Variants in MYBBP1A observed in about 807,000 individuals in gnomAD.
The protein encoded by MYBBP1A is myb-binding protein 1A.
MYBBP1A carries 147 observed loss-of-function variants against 136.3 expected under a neutral mutation model. The observed-to-expected ratio is 1.08, with a 90% CI of 0.94 to 1.24. The LOEUF (loss-of-function observed/expected upper bound fraction) is 1.24, where lower values mean the gene tolerates loss of function less well. MYBBP1A is among the 50% of genes most tolerant of loss of function. The probability of loss-of-function intolerance (pLI) is 0.00; values close to 1 mark genes in which losing one functional copy is unlikely to be tolerated. For synonymous variants in MYBBP1A, 947 were observed against 735.8 expected, an observed-to-expected ratio of 1.29 and a Z score of -4.65; for missense variants, 2,060 against 1,727.4, an observed-to-expected ratio of 1.19 and a Z score of -3.41.
Position 4,552,109 on chromosome 17 carries a change from C to T in MYBBP1A, c.905+16G>A. 1.2e-6 allele frequency: 2 copies of T among 1,610,302 alleles called. No homozygotes were observed. The highest frequency in any genetic ancestry group is 1.3e-5 in the African/African-American group (1 of 75,018). ...GACAGGGAAGGGGGCCGAGAGAGGA[C>T]ACGCGTCGCCCGCACCTGGCTGGCC... is the stretch of plus-strand genomic sequence containing the variant. On this transcript the variant is annotated intron_variant, in intron 7 of 25. Coordinates refer to ENST00000254718, the MANE Select transcript of MYBBP1A (RefSeq NM_014520.4). This position sits in a 1 kb window ranked among gnomAD's most constrained non-coding sequence, Gnocchi z 4.7.
At position 4,548,117 on chromosome 17, in the gene MYBBP1A, A is replaced by AC; in HGVS notation, c.1724+25dup. On this transcript the variant is annotated intron_variant, in intron 12 of 25. Coordinates refer to ENST00000254718, the MANE Select transcript of MYBBP1A (RefSeq NM_014520.4). This position sits in a 1 kb window ranked among gnomAD's most constrained non-coding sequence, Gnocchi z 4.2. ...CCAGTCAGACTGCAGCGTCCTGCCCACCCCCTGGAAATCCCACGTGCTCAC... is the reference window on the plus strand; with the variant it reads ...CCAGTCAGACTGCAGCGTCCTGCCCACCCCCCTGGAAATCCCACGTGCTCAC... 2 of 1,602,452 alleles carry AC rather than the reference A, an allele frequency of 1.2e-6. No individual in the cohort carries two copies.
Position 4,550,532 on chromosome 17 carries a change from G to A in MYBBP1A, c.1024-179C>T, listed in dbSNP as rs142776169. On this transcript the variant is annotated intron_variant, in intron 8 of 25. Coordinates refer to ENST00000254718, the MANE Select transcript of MYBBP1A (RefSeq NM_014520.4). ...TTAAATCGAGCCCCGGCAATCTCCT[G>A]TTGTACACAGCTAGGCTGTGCCTGA... 7.4e-3 allele frequency among the ~76,000 whole-genome samples: 1,124 copies of A among 152,388 alleles called. 16 individuals carry two copies. Among genetic ancestry groups the A allele is most frequent in the African/African-American group, 0.026 (1,069 of 41,594 alleles).
intron 8 of MYBBP1A, 116 bp downstream of exon 8, chr17:4,551,764 G>A (rs952490289): frequency 8.8e-5 from 77 of 870,092 alleles, no homozygotes; most frequent in Non-Finnish European, 1.2e-4. Context: ...CTACCCAGAC[G>A]GAGGGGACAC....
chr17:4,540,524 G>A (rs754268196), intron 24 of MYBBP1A, 40 bp from the exon 25 acceptor site: 14 of 1,559,266 alleles, frequency 9.0e-6, no homozygotes, highest in Non-Finnish European at 1.1e-5. Context: ...GGCCACAGAG[G>A]GCGGGGCCTC....
In MYBBP1A at chr17:4,549,438, CA is replaced by C; in HGVS notation, c.1323del (p.Glu442SerfsTer7). On this transcript the variant is annotated frameshift_variant, in exon 10 of 26. Transcript: ENST00000254718. LOFTEE classifies it high-confidence loss of function. ...KKAQDSSLHM[P>X]ERAVFRLRKW... ...TTCCTCAGCCGGAACACAGCTCGCT[CA>C]GGCCTAGCGGGGCAGGAGGCGAGGT... The C allele has an allele frequency of 6.2e-7, 1 of 1,612,456 alleles. No individual in the cohort carries two copies. The highest frequency in any genetic ancestry group is 8.5e-7 in the Non-Finnish European group (1 of 1,179,774).
Position 4,544,529 on chromosome 17 carries a change from G to T in MYBBP1A, c.2599C>A (p.Gln867Lys). ...RRSLRSSSSK[Q>K]EQDLLHKTAR... ...GTCTTGTGCAGAAGGTCCTGCTCCT[G>T]TTTGGAGCTGCTGCTGCGCAGGCTG... Residue 867 changes from glutamine to lysine, a missense_variant, in exon 19 of 26, where the codon CAG becomes AAG. By Grantham distance (53) the Gln-to-Lys change is moderately conservative (BLOSUM62 1). Coordinates refer to ENST00000254718, the MANE Select transcript of MYBBP1A (RefSeq NM_014520.4). The T allele has an allele frequency of 6.4e-7, 1 of 1,554,918 alleles. No homozygotes were observed.
intron 22 of MYBBP1A, chr17:4,542,096 A>C: frequency 1.7e-6 from 1 of 594,696 alleles, no homozygotes; most frequent in South Asian, 2.0e-5. Context: ...TAGAGGTGGG[A>C]CCTCAGGTTG....
At chr17:4,543,552 A>G (rs1906666432) in intron 19 of MYBBP1A, among the ~76,000 whole-genome samples, 3 of 152,058 alleles carry the variant, frequency 2.0e-5, no homozygotes, top group Admixed American at 2.0e-4. Context: ...CCGGGGATAT[A>G]ATGGGGGCAA....
intron 19 of MYBBP1A, 60 bp from the exon 20 acceptor site, chr17:4,543,225 G>A: frequency 6.6e-7 from 1 of 1,520,648 alleles, no homozygotes; most frequent in Non-Finnish European, 8.8e-7. Flanking sequence ...GCTCCGCCAA[G>A]CAGAGCCAAC....
At position 4,539,429 on chromosome 17, in the gene MYBBP1A, C is replaced by T. The variant is rs1567600927; in HGVS notation, c.3973G>A (p.Ala1325Thr). 3 of 1,611,196 alleles carry T rather than the reference C, an allele frequency of 1.9e-6. No homozygotes were observed. The highest frequency in any genetic ancestry group is 1.7e-6 in the Non-Finnish European group (2 of 1,177,662). The change falls in exon 26 of 26, where the codon GCA becomes ACA. Residue 1325 changes from alanine to threonine, a missense_variant. Coordinates refer to ENST00000254718, the MANE Select transcript of MYBBP1A (RefSeq NM_014520.4). ...GAKKKAQVRK[A>T]GKP ...CGTACCTGTGCTCAGGGCTTCCCTGCCTTCCTCACCTGTGCTTTCTTCTTG... is the reference window on the plus strand; with the variant it reads ...CGTACCTGTGCTCAGGGCTTCCCTGTCTTCCTCACCTGTGCTTTCTTCTTG...
At chr17:4,540,147 GTCCTGCGAGGC>G (rs371097584) in intron 25 of MYBBP1A, among the ~76,000 whole-genome samples, 180 bp from the exon 26 acceptor site, 36,847 of 150,102 alleles carry the variant, frequency 0.25, 5,103 homozygotes, top group East Asian at 0.56. Context: ...TCCTGCGAGG[GTCCTGCGAGGC>G]TCCTGCGAGG....
At position 4,555,139 on chromosome 17, in the gene MYBBP1A, A is replaced by C. The variant is rs773314577; in HGVS notation, c.186T>G (p.Arg62=). The change falls in exon 1 of 26, where the codon CGT becomes CGG. Residue 62 remains arginine (R), a synonymous_variant. Transcript: ENST00000254718. ...CCCGCCACTCCACCTTCGGCCTGCC[A>C]CGCAGATACTCCAGCAGCTTCTCCG... ...AATEKLLEYL[R]GRPKGSEMKY... is the part of the protein sequence containing the mutation. 19 of 1,594,330 alleles carry C rather than the reference A, an allele frequency of 1.2e-5. No individual in the cohort carries two copies. In the Admixed American group the frequency reaches 2.9e-4, roughly 25 times the overall value.
rs778995367 is a variant in MYBBP1A, at chr17:4,539,533, G to C, written c.3869C>G (p.Ser1290Ter). The change falls in exon 26 of 26, where the codon TCA becomes TGA. Residue 1290 changes from serine to a stop codon, truncating the protein, a stop_gained. Transcript: ENST00000254718. LOFTEE classifies it low-confidence loss of function (END_TRUNC). ...ALPKKGVLGK[S>*]PLSALARKKA... is the part of the protein sequence containing the mutation. ...TTTCCGTGCCAGCGCGGACAGTGGT[G>C]ATTTGCCCAAGACCCCCTTTTTGGG... 2.1e-5 allele frequency: 34 copies of C among 1,614,008 alleles called. No individual in the cohort carries two copies. Among genetic ancestry groups the C allele is most frequent in the Middle Eastern group, 1.6e-4 (1 of 6,084 alleles).
chr17:4,548,401 C>G lies in MYBBP1A; in HGVS notation c.1557-91G>C. 1.9e-6 allele frequency: 3 copies of G among 1,604,250 alleles called. No individual in the cohort carries two copies. Among genetic ancestry groups the G allele is most frequent in the Non-Finnish European group, 2.6e-6 (3 of 1,173,696 alleles). On this transcript the variant is annotated intron_variant, in intron 11 of 25. Transcript: ENST00000254718. The surrounding 1 kb of genome is among the most constrained non-coding windows in gnomAD (Gnocchi z 4.2). Reference sequence around the variant, plus strand: ...CTCCCCAGGGCTCGGTCTCCCGCCTCTCCAGGACCTACTAGAACTCCGGGG... The same window carrying G: ...CTCCCCAGGGCTCGGTCTCCCGCCTGTCCAGGACCTACTAGAACTCCGGGG...
chr17:4,554,669 G>A (rs1282686175), intron 2 of MYBBP1A, among the ~76,000 whole-genome samples, 192 bp downstream of exon 2: 2 of 152,158 alleles, frequency 1.3e-5, no homozygotes, highest in Non-Finnish European at 2.9e-5. Flanking sequence ...TAGAAAACCT[G>A]GCCAGGCCTT....
Position 4,548,363 on chromosome 17 carries a change from G to A in MYBBP1A, c.1557-53C>T, listed in dbSNP as rs538347069. 144 of 1,602,132 alleles carry A rather than the reference G, an allele frequency of 9.0e-5. No homozygotes were observed. Among genetic ancestry groups the A allele is most frequent in the Non-Finnish European group, 1.1e-4 (132 of 1,174,072 alleles). ...GCAGACCAGATGAGTCAATGTAGCC[G>A]CCTCCCTCCGCCCTCCCCAGGGCTC... On this transcript the variant is annotated intron_variant, in intron 11 of 25. Coordinates refer to ENST00000254718, the MANE Select transcript of MYBBP1A (RefSeq NM_014520.4). The surrounding 1 kb of genome is among the most constrained non-coding windows in gnomAD (Gnocchi z 4.2).
At chr17:4,541,700 C>T (rs770262990) in intron 23 of MYBBP1A, 84 bp downstream of exon 23, 4 of 1,466,192 alleles carry the variant, frequency 2.7e-6, no homozygotes, top group Non-Finnish European at 3.8e-6. Flanking sequence ...GACTCAGGCT[C>T]CAATCCTCAC....
rs567481278 is a variant in MYBBP1A at position 4,540,792 on chromosome 17, C to T, written c.3298-308G>A. ...GGGCCACTCCCCAGCACTCCATCAC[C>T]GCGGGGCTGCCAAAGCGCTTCCCCA... On this transcript the variant is annotated intron_variant, in intron 24 of 25. Transcript: ENST00000254718. Among the ~76,000 whole-genome samples, 15 of 152,324 alleles carry T rather than the reference C, an allele frequency of 9.8e-5. No homozygotes were observed. In the South Asian group the frequency reaches 2.9e-3, roughly 29 times the overall value.
intron 23 of MYBBP1A, 88 bp from the exon 24 acceptor site, chr17:4,541,652 G>A: frequency 6.8e-7 from 1 of 1,480,042 alleles, no homozygotes; most frequent in South Asian, 1.1e-5. Flanking sequence ...CAGAGGCAGG[G>A]ACCGTCTCCT....
Sources: allele counts gnomAD v4.1 joint callset (sites outside exome capture counted in the v4.1 genomes callset), GRCh38; gene constraint gnomAD v4.1.1; non-coding constraint Gnocchi (gnomAD v3.1); transcripts MANE v1.5; gene names NCBI Gene and HGNC (gene_info 2026-07-23, HGNC 2026-07-21).